BNC1: variants seen among roughly 807,000 people sequenced by gnomAD.
BNC1 encodes the protein zinc finger protein basonuclin-1.
A neutral mutation model predicts 66.5 loss-of-function variants in BNC1; 8 were observed. The observed-to-expected ratio is 0.12, with a 90% CI of 0.07 to 0.22. The LOEUF is 0.22. BNC1 is among the 10% of genes least tolerant of loss of function. The pLI, the probability that BNC1 is intolerant of heterozygous loss-of-function variation, is 1.00. For missense variants in BNC1, 1,069 were observed against 1,241.3 expected (o/e 0.86, Z 2.09); for synonymous variants, 454 against 452.6 (o/e 1.00, Z -0.04).
chr15:83,273,695 T>G (rs921874967), intron 1 of BNC1, among the ~76,000 whole-genome samples: 35 of 152,172 alleles, frequency 2.3e-4, no homozygotes, highest in African/African-American at 8.2e-4. Flanking sequence ...GGATAGAAAG[T>G]TATGACCTAG....
Position 83,257,440 on chromosome 15 carries a change from T to C in BNC1, c.*2A>G, listed in dbSNP as rs1336305939. 1.2e-6 allele frequency: 2 copies of C among 1,609,190 alleles called. No individual in the cohort carries two copies. The highest frequency in any genetic ancestry group is 1.7e-6 in the Non-Finnish European group (2 of 1,177,344). On this transcript the variant is annotated 3_prime_UTR_variant, in exon 5 of 5. Coordinates refer to ENST00000345382, the MANE Select transcript of BNC1 (RefSeq NM_001717.4). ...TCTGAGCATACTTGGTTTGCCATCTTGTTACTGGAGGTGACTTGGAGATGA... is the reference window on the plus strand; with the variant it reads ...TCTGAGCATACTTGGTTTGCCATCTCGTTACTGGAGGTGACTTGGAGATGA...
Position 83,284,656 on chromosome 15 carries a change from C to G in BNC1, c.-28G>C, listed in dbSNP as rs573806636. The G allele has an allele frequency of 3.1e-6, 3 of 968,992 alleles. No homozygotes were observed. Among genetic ancestry groups the G allele is most frequent in the South Asian group, 9.3e-5 (2 of 21,530 alleles). 60.0% of individuals were successfully genotyped at this position (968,992 alleles called of 1,614,324 possible). ...ACGCTCCGGCCGTCGGGGCGCGACC[C>G]GGCGAAGTGGGCGGCTCCCCAAGCG... On this transcript the variant is annotated 5_prime_UTR_variant, in exon 1 of 5. Transcript: ENST00000345382.
intron 1 of BNC1, among the ~76,000 whole-genome samples, chr15:83,268,832 A>G (rs1390030569): frequency 6.6e-6 from 1 of 152,228 alleles, no homozygotes; most frequent in Non-Finnish European, 1.5e-5. Context: ...TGCCCCTTGC[A>G]TGTTATGGTG....
chr15:83,278,296 C>A (rs1340520473), intron 1 of BNC1, among the ~76,000 whole-genome samples: 1 of 152,176 alleles, frequency 6.6e-6, no homozygotes, highest in African/African-American at 2.4e-5. Context: ...CTACTATGTA[C>A]TTGGTAACCA....
In BNC1 at chr15:83,263,210, C is replaced by T. The variant is rs763023683; in HGVS notation, c.2041G>A (p.Gly681Arg). The change falls in exon 4 of 5, where the codon GGG (glycine) becomes AGG (arginine). Residue 681 changes from glycine to arginine, a missense_variant. This residue lies in a region of BNC1 where 657 missense variants were observed against 715.8 expected (regional missense o/e 0.92). Transcript: ENST00000345382. Reference protein sequence around the residue: ...YMELQQRLLAGGLFSALSNRG... With the variant: ...YMELQQRLLARGLFSALSNRG... ...TTGGACAAAGCACTGAAGAGTCCCC[C>T]AGCCAGCAGGCGCTGCTGCAGTTCC... 1.9e-6 allele frequency: 3 copies of T among 1,614,248 alleles called. No homozygotes were observed. The South Asian group carries it at 3.3e-5, about 18-fold the overall frequency.
intron 1 of BNC1, among the ~76,000 whole-genome samples, chr15:83,275,473 G>A (rs2038310742): frequency 7.0e-6 from 1 of 142,812 alleles, no homozygotes; most frequent in South Asian, 2.2e-4. Context: ...TCCAGCCTGG[G>A]CGACAGAGAC....
At chr15:83,284,346 C>T (rs2038420380) in intron 1 of BNC1, among the ~76,000 whole-genome samples, 184 bp downstream of exon 1, 1 of 151,866 alleles carries the variant, frequency 6.6e-6, no homozygotes, top group South Asian at 2.1e-4. Context: ...CCCCCGCCGC[C>T]GCCTCCCGGC....
At chr15:83,266,706 A>T in intron 3 of BNC1, 130 bp downstream of exon 3, 1 of 809,272 alleles carries the variant, frequency 1.2e-6, no homozygotes, top group Non-Finnish European at 2.1e-6. Flanking sequence ...TTAGGCCATT[A>T]GAAAAGAAGT....
intron 1 of BNC1, among the ~76,000 whole-genome samples, chr15:83,271,461 C>T (rs373418017): frequency 6.6e-6 from 1 of 152,078 alleles, no homozygotes; most frequent in Non-Finnish European, 1.5e-5. Context: ...TACCAAAAAA[C>T]AGGAAATGTG....
At chr15:83,276,257 C>T (rs1245939761) in intron 1 of BNC1, among the ~76,000 whole-genome samples, 3 of 152,254 alleles carry the variant, frequency 2.0e-5, no homozygotes, top group South Asian at 2.1e-4. Context: ...TCTGGTTGTC[C>T]GACTCTGCAC....
At chr15:83,283,399 T>G in intron 1 of BNC1, 3 of 1,266,922 alleles carry the variant, frequency 2.4e-6, no homozygotes, top group East Asian at 3.4e-5. Flanking sequence ...GGCCTCCTCC[T>G]TCTCCGCCCG....
intron 1 of BNC1, among the ~76,000 whole-genome samples, chr15:83,274,700 G>GT: frequency 1.3e-5 from 2 of 152,242 alleles, no homozygotes. Context: ...GGGTCACGCA[G>GT]TTGGTGAGCC....
chr15:83,271,102 CCT>C (rs1307183501), intron 1 of BNC1, among the ~76,000 whole-genome samples: 2 of 152,084 alleles, frequency 1.3e-5, no homozygotes, highest in Non-Finnish European at 2.9e-5. Context: ...ATAGTGAAAC[CCT>C]GTCTCTACCA....
At position 83,257,751 on chromosome 15, in the gene BNC1, C is replaced by T. The variant is rs751928463; in HGVS notation, c.2676G>A (p.Gly892=). 1.2e-5 allele frequency: 19 copies of T among 1,614,152 alleles called. No individual in the cohort carries two copies. The Admixed American group carries it at 3.2e-4, about 27-fold the overall frequency. The change falls in exon 5 of 5, where the codon GGG becomes GGA. Residue 892 remains glycine, a synonymous_variant. Coordinates refer to ENST00000345382, the MANE Select transcript of BNC1 (RefSeq NM_001717.4). The part of the protein sequence containing the change: ...EGTVLMEDSD[G]NCEGSSLVPG... ...GGACAAGGCTCGACCCTTCACAGTTCCCATCACTGTCCTCCATAAGCACAG... is the reference window on the plus strand; with the variant it reads ...GGACAAGGCTCGACCCTTCACAGTTTCCATCACTGTCCTCCATAAGCACAG...
intron 1 of BNC1, chr15:83,283,097 T>C: frequency 3.6e-6 from 5 of 1,387,734 alleles, no homozygotes; most frequent in Non-Finnish European, 4.9e-6. Flanking sequence ...ACAACTTCAC[T>C]CACACAATTA....
rs771216854 is a variant in BNC1 at position 83,257,450 on chromosome 15, G to A, written c.2977C>T (p.Leu993Phe). 4 of 1,611,456 alleles carry A rather than the reference G, an allele frequency of 2.5e-6. No homozygotes were observed. The highest frequency in any genetic ancestry group is 3.4e-6 in the Non-Finnish European group (4 of 1,178,430). ...HKSLASSPSH[L>F]Q ...CTTGGTTTGCCATCTTGTTACTGGA[G>A]GTGACTTGGAGATGAGGCCAGGCTT... Residue 993 changes from leucine to phenylalanine, a missense_variant, in exon 5 of 5, where the codon CTC (leucine) becomes TTC (phenylalanine). This residue lies in a region of BNC1 where 657 missense variants were observed against 715.8 expected (regional missense o/e 0.92). Transcript: ENST00000345382.
chr15:83,276,683 C>T (rs920492223), intron 1 of BNC1, among the ~76,000 whole-genome samples: 1 of 152,220 alleles, frequency 6.6e-6, no homozygotes, highest in Non-Finnish European at 1.5e-5. Flanking sequence ...CTTCCTCTTT[C>T]TTGGAACAAG....
intron 1 of BNC1, among the ~76,000 whole-genome samples, chr15:83,271,158 C>T (rs956570889): frequency 6.6e-6 from 1 of 152,190 alleles, no homozygotes; most frequent in Admixed American, 6.5e-5. Context: ...CACCTGTAGA[C>T]CCAGCTACTC....
rs776776378 is a variant in BNC1 at position 83,284,486 on chromosome 15, C to G, written c.99+44G>C. 8 of 1,162,230 alleles carry G rather than the reference C, an allele frequency of 6.9e-6. No homozygotes were observed. The African/African-American group carries it at 1.2e-4, about 17-fold the overall frequency. The allele number at this position is 1,162,230 out of a possible 1,614,324, so 72.0% of individuals were successfully genotyped here. ...CAGCGGCGTCCCGGGCCGCCTGCTC[C>G]GCGCACAGAGAATCCCCGCGCCCGC... is the stretch of plus-strand genomic sequence containing the variant. On this transcript the variant is annotated intron_variant, in intron 1 of 4. Transcript: ENST00000345382.
Sources: allele counts gnomAD v4.1 joint callset (sites outside exome capture counted in the v4.1 genomes callset), GRCh38; gene constraint gnomAD v4.1.1; regional missense constraint gnomAD v4.1.1; transcripts MANE v1.5; gene names NCBI Gene and HGNC (gene_info 2026-07-23, HGNC 2026-07-21).